GREB1L: variants seen among roughly 807,000 people sequenced by gnomAD.
GREB1L encodes GREB1-like protein.
A neutral mutation model predicts 200.8 loss-of-function variants in GREB1L; 17 were observed. The ratio of observed to expected loss-of-function variants is 0.08; its 90% CI spans 0.06 to 0.13. The LOEUF (loss-of-function observed/expected upper bound fraction) is 0.13. GREB1L is among the 10% of genes least tolerant of loss of function. The probability of loss-of-function intolerance (pLI) is 1.00; values close to 1 mark genes in which losing one functional copy is unlikely to be tolerated. For missense variants in GREB1L, 1,657 were observed against 2,367.7 expected (o/e 0.70, Z 6.23); for synonymous variants, 789 against 893.0 (o/e 0.88, Z 2.08).
intron 1 of GREB1L, among the ~76,000 whole-genome samples, chr18:21,316,700 G>C (rs558807317): frequency 6.7e-6 from 1 of 148,496 alleles, no homozygotes; most frequent in Non-Finnish European, 1.5e-5. Flanking sequence ...TGAAAATAAA[G>C]TATCTGTATA....
intron 19 of GREB1L, among the ~76,000 whole-genome samples, chr18:21,492,171 C>A (rs1052167305): frequency 6.6e-6 from 1 of 151,836 alleles, no homozygotes. Context: ...ACGGTGAAAC[C>A]CTGTCTCTAC....
chr18:21,456,538 C>CA (rs2034772991), intron 15 of GREB1L, among the ~76,000 whole-genome samples: 2 of 152,254 alleles, frequency 1.3e-5, no homozygotes, highest in South Asian at 4.2e-4. Flanking sequence ...ACTGACAGTA[C>CA]ATTTTTCCCT....
At chr18:21,493,865 CAAAA>C (rs35758360) in intron 19 of GREB1L, among the ~76,000 whole-genome samples, 5 of 38,512 alleles carry the variant, frequency 1.3e-4, no homozygotes, top group East Asian at 1.2e-3. Flanking sequence ...GACCCTGTCT[CAAAA>C]AAAAAAAAAA....
Position 21,500,223 on chromosome 18 carries a change from G to T in GREB1L, c.3886G>T (p.Ala1296Ser). Reference protein sequence around the residue: ...RQWTLARQHHADYSNQLDPAS... With the variant: ...RQWTLARQHHSDYSNQLDPAS... ...GTGGACCTTGGCCCGGCAGCACCAC[G>T]CTGACTATAGCAACCAGCTGGACCC... Residue 1296 changes from alanine (A) to serine (S), a missense_variant, in exon 22 of 33, where the codon GCT (alanine) becomes TCT (serine). Ala to Ser is a moderately conservative substitution (Grantham distance 99). Around this residue, in one of 9 missense-constraint regions of GREB1L, gnomAD observed 512 missense variants for 668.3 expected, o/e 0.77. Transcript: ENST00000424526. The T allele has an allele frequency of 6.5e-7, 1 of 1,534,250 alleles. No homozygotes were observed. The highest frequency in any genetic ancestry group is 1.4e-5 in the African/African-American group (1 of 72,986).
At chr18:21,414,570 C>T (rs970966065) in intron 7 of GREB1L, among the ~76,000 whole-genome samples, 2 of 152,150 alleles carry the variant, frequency 1.3e-5, no homozygotes, top group African/African-American at 4.8e-5. Context: ...TAGATGATAA[C>T]ATAACTAGAT....
At chr18:21,258,350 C>G (rs533272969) in intron 1 of GREB1L, among the ~76,000 whole-genome samples, 43 of 152,252 alleles carry the variant, frequency 2.8e-4, no homozygotes, top group African/African-American at 1.0e-3. Context: ...TGCTTTGTCC[C>G]TTTTGCTCAC....
At chr18:21,344,986 C>CA (rs1235923943) in intron 1 of GREB1L, among the ~76,000 whole-genome samples, 1 of 152,044 alleles carries the variant, frequency 6.6e-6, no homozygotes, top group Non-Finnish European at 1.5e-5. Flanking sequence ...TCAATTATTC[C>CA]AAATCTATTC....
intron 22 of GREB1L, 23 bp downstream of exon 22, chr18:21,500,329 C>A: frequency 9.7e-7 from 1 of 1,029,794 alleles, no homozygotes; most frequent in Non-Finnish European, 1.4e-6. Context: ...CAGCCGGGGC[C>A]GTTTCTTAGG....
intron 27 of GREB1L, among the ~76,000 whole-genome samples, chr18:21,511,646 C>G (rs2037241769): frequency 6.6e-6 from 1 of 152,040 alleles, no homozygotes; most frequent in Non-Finnish European, 1.5e-5. Flanking sequence ...CAGGTTTTCC[C>G]AGCACCATTT....
chr18:21,282,215 A>G (rs1471525205), intron 1 of GREB1L, among the ~76,000 whole-genome samples: 1 of 152,190 alleles, frequency 6.6e-6, no homozygotes, highest in Non-Finnish European at 1.5e-5. Flanking sequence ...TCAAGCCTGC[A>G]GTGAGCTGTG....
At chr18:21,486,643 GA>G (rs112509104) in intron 18 of GREB1L, among the ~76,000 whole-genome samples, 92 of 148,370 alleles carry the variant, frequency 6.2e-4, no homozygotes, top group African/African-American at 1.6e-3. Context: ...TCTAAAAAAA[GA>G]AAAAAAAAAT....
At chr18:21,303,169 A>G (rs985209268) in intron 1 of GREB1L, among the ~76,000 whole-genome samples, 2 of 151,960 alleles carry the variant, frequency 1.3e-5, no homozygotes, top group African/African-American at 4.8e-5. Context: ...CATTACTTTC[A>G]CTCTACATTG....
chr18:21,461,562 A>C (rs1222829645), intron 15 of GREB1L, among the ~76,000 whole-genome samples: 1 of 151,986 alleles, frequency 6.6e-6, no homozygotes, highest in African/African-American at 2.4e-5. Flanking sequence ...TTTTGGCAAC[A>C]CTGGAGACCT....
chr18:21,472,997 T>G (rs1257827174), intron 15 of GREB1L, 34 bp from the exon 16 acceptor site: 2 of 1,451,892 alleles, frequency 1.4e-6, no homozygotes, highest in Non-Finnish European at 1.9e-6. Context: ...TGTGTAAAAG[T>G]GTGTTAAAAG....
At chr18:21,337,336 C>T (rs1276521065) in intron 1 of GREB1L, among the ~76,000 whole-genome samples, 2 of 151,778 alleles carry the variant, frequency 1.3e-5, no homozygotes, top group Non-Finnish European at 2.9e-5. Context: ...AATAAAGAGC[C>T]TAGTTGATAA....
intron 1 of GREB1L, among the ~76,000 whole-genome samples, chr18:21,343,164 T>C (rs1598675680): frequency 1.3e-5 from 2 of 151,538 alleles, no homozygotes; most frequent in African/African-American, 2.4e-5. Context: ...GTCAGCAAGG[T>C]ACATATAAGA....
chr18:21,321,018 G>A (rs1356804144), intron 1 of GREB1L, among the ~76,000 whole-genome samples: 11 of 152,178 alleles, frequency 7.2e-5, no homozygotes, highest in Non-Finnish European at 1.5e-4. Flanking sequence ...ACTTGGCCTG[G>A]TGCTCTGGCT....
At chr18:21,515,278 C>A in intron 28 of GREB1L, 139 bp from the exon 29 acceptor site, 1 of 660,050 alleles carries the variant, frequency 1.5e-6, no homozygotes, top group Non-Finnish European at 2.6e-6. Flanking sequence ...TGACATTCTT[C>A]TCCATTTGCT....
chr18:21,243,181 A>G (rs1333901416), intron 1 of GREB1L, among the ~76,000 whole-genome samples: 2 of 152,132 alleles, frequency 1.3e-5, no homozygotes, highest in African/African-American at 4.8e-5. Context: ...GACTCGTTAA[A>G]GGAAATCCAT....
Sources: allele counts gnomAD v4.1 joint callset (sites outside exome capture counted in the v4.1 genomes callset), GRCh38; gene constraint gnomAD v4.1.1; regional missense constraint gnomAD v4.1.1; transcripts MANE v1.5; gene names NCBI Gene and HGNC (gene_info 2026-07-23, HGNC 2026-07-21).